COMMD10: variants seen among roughly 807,000 people sequenced by gnomAD.
The protein encoded by COMMD10 is COMM domain-containing protein 10.
In COMMD10, 33 loss-of-function variants were observed where a neutral mutation model predicts 28.9. That is an observed-to-expected ratio of 1.14 (90% CI 0.87 to 1.53). The LOEUF (loss-of-function observed/expected upper bound fraction) is 1.53, where lower values mean the gene tolerates loss of function less well. Ranked by LOEUF, COMMD10 falls within the 40% of genes most tolerant of loss-of-function variation. The probability of loss-of-function intolerance (pLI) is 0.00; values close to 1 mark genes in which losing one functional copy is unlikely to be tolerated. For missense variants in COMMD10, 310 were observed against 233.4 expected (o/e 1.33, Z -2.14); for synonymous variants, 110 against 81.7 (o/e 1.35, Z -1.87).
chr5:116,236,504 C>CAAA (rs34066036), intron 5 of COMMD10, among the ~76,000 whole-genome samples: 22 of 79,530 alleles, frequency 2.8e-4, no homozygotes, highest in South Asian at 4.9e-4. Context: ...GACTCCGTCT[C>CAAA]AAAAAAAAAA....
At chr5:116,258,628 T>G (rs1370645665) in intron 5 of COMMD10, among the ~76,000 whole-genome samples, 1 of 151,860 alleles carries the variant, frequency 6.6e-6, no homozygotes, top group South Asian at 2.1e-4. Flanking sequence ...GAAAATACTA[T>G]TCTATTGACT....
chr5:116,292,500 G>C lies in COMMD10; in HGVS notation c.*11G>C. ...GATTCCCTTACATGATGTTTTCGAA[G>C]ACTGTTTTTTTCATCACGCTCCTGC... On this transcript the variant is annotated 3_prime_UTR_variant, in exon 7 of 7. Coordinates refer to ENST00000274458, the MANE Select transcript of COMMD10 (RefSeq NM_016144.4). The C allele has an allele frequency of 6.3e-7, 1 of 1,579,252 alleles. No homozygotes were observed. The highest frequency in any genetic ancestry group is 8.6e-7 in the Non-Finnish European group (1 of 1,161,288).
chr5:116,175,773 A>G (rs1039431852), intron 5 of COMMD10, among the ~76,000 whole-genome samples: 2 of 152,166 alleles, frequency 1.3e-5, no homozygotes, highest in Non-Finnish European at 2.9e-5. Flanking sequence ...AGCCAGTCAC[A>G]AAAGGACAAA....
intron 5 of COMMD10, among the ~76,000 whole-genome samples, chr5:116,145,248 C>T (rs2112542872): frequency 6.6e-6 from 1 of 151,938 alleles, no homozygotes; most frequent in South Asian, 2.1e-4. Context: ...TTTACTATTA[C>T]TACACAGTGC....
chr5:116,092,164 A>G (rs1358046288), intron 3 of COMMD10, among the ~76,000 whole-genome samples: 2 of 152,190 alleles, frequency 1.3e-5, no homozygotes, highest in African/African-American at 2.4e-5. Flanking sequence ...TCTGGGAAAA[A>G]ATTTGTTAGT....
At chr5:116,146,543 C>T (rs974010424) in intron 5 of COMMD10, among the ~76,000 whole-genome samples, 3 of 151,860 alleles carry the variant, frequency 2.0e-5, no homozygotes, top group African/African-American at 7.2e-5. Context: ...GAGTAATTTG[C>T]ATTATTGGAT....
At chr5:116,273,406 C>G (rs1435973706) in intron 5 of COMMD10, among the ~76,000 whole-genome samples, 1 of 151,716 alleles carries the variant, frequency 6.6e-6, no homozygotes, top group Non-Finnish European at 1.5e-5. Context: ...GTCATTTTTC[C>G]TCATCCAAGA....
chr5:116,291,609 G>T, intron 6 of COMMD10, 33 bp downstream of exon 6: 1 of 1,225,714 alleles, frequency 8.2e-7, no homozygotes, highest in Non-Finnish European at 1.2e-6. Context: ...TCTAATATGT[G>T]GAGTTTTTTT....
chr5:116,266,154 G>A (rs900718650), intron 5 of COMMD10, among the ~76,000 whole-genome samples: 1 of 151,690 alleles, frequency 6.6e-6, no homozygotes, highest in African/African-American at 2.4e-5. Flanking sequence ...AGGGGGCAAT[G>A]AGAACAAAGG....
intron 5 of COMMD10, among the ~76,000 whole-genome samples, chr5:116,215,306 A>G (rs1307627969): frequency 1.3e-5 from 2 of 152,156 alleles, no homozygotes; most frequent in Non-Finnish European, 2.9e-5. Flanking sequence ...CAAAGAAAAT[A>G]CTTCAAAATA....
chr5:116,157,963 A>G (rs1036720987), intron 5 of COMMD10, among the ~76,000 whole-genome samples: 5 of 144,868 alleles, frequency 3.5e-5, no homozygotes, highest in South Asian at 2.2e-4. Context: ...TTAGTCAACC[A>G]TTTGAATATC....
At chr5:116,088,907 T>A (rs1750209842) in intron 2 of COMMD10, among the ~76,000 whole-genome samples, 1 of 152,198 alleles carries the variant, frequency 6.6e-6, no homozygotes, top group Non-Finnish European at 1.5e-5. Flanking sequence ...TCTTGAGGAT[T>A]ATGTCTTACT....
chr5:116,272,536 C>T (rs1198892183), intron 5 of COMMD10, among the ~76,000 whole-genome samples: 1 of 151,802 alleles, frequency 6.6e-6, no homozygotes, highest in African/African-American at 2.4e-5. Flanking sequence ...CATCCCAGAA[C>T]ACTGTTGCCA....
intron 4 of COMMD10, among the ~76,000 whole-genome samples, chr5:116,108,325 A>AT (rs1354945132): frequency 2.0e-5 from 3 of 152,202 alleles, no homozygotes; most frequent in Non-Finnish European, 4.4e-5. Context: ...GGTTTTATCT[A>AT]TAAGTCCCTG....
At chr5:116,284,226 T>C (rs1751157167) in intron 5 of COMMD10, among the ~76,000 whole-genome samples, 5 of 152,076 alleles carry the variant, frequency 3.3e-5, no homozygotes, top group Admixed American at 2.6e-4. Flanking sequence ...AAAATATCCT[T>C]GTATCTGGTT....
At chr5:116,211,809 C>A (rs1294764584) in intron 5 of COMMD10, among the ~76,000 whole-genome samples, 1 of 152,054 alleles carries the variant, frequency 6.6e-6, no homozygotes, top group African/African-American at 2.4e-5. Context: ...CAGAGGCAGT[C>A]AACTGTTCAT....
intron 5 of COMMD10, among the ~76,000 whole-genome samples, chr5:116,255,143 T>G (rs1353932071): frequency 1.3e-5 from 2 of 151,786 alleles, no homozygotes; most frequent in African/African-American, 4.9e-5. Flanking sequence ...TTGTTTTCCA[T>G]TTGCTTGGTA....
intron 5 of COMMD10, chr5:116,188,620 T>TC (rs1311264003): frequency 2.2e-5 from 3 of 135,040 alleles, no homozygotes; most frequent in East Asian, 2.1e-4. Flanking sequence ...CTTCCTTCCT[T>TC]CTTTCTTTCT....
At chr5:116,086,863 G>C (rs1286034200) in intron 1 of COMMD10, among the ~76,000 whole-genome samples, 1 of 152,178 alleles carries the variant, frequency 6.6e-6, no homozygotes, top group Non-Finnish European at 1.5e-5. Context: ...TGTAGTTCTA[G>C]CTACTTGGGA....
Sources: allele counts gnomAD v4.1 joint callset (sites outside exome capture counted in the v4.1 genomes callset), GRCh38; gene constraint gnomAD v4.1.1; transcripts MANE v1.5; gene names NCBI Gene and HGNC (gene_info 2026-07-23, HGNC 2026-07-21).